Variants in MYOM3 observed in about 807,000 individuals in gnomAD.
MYOM3 encodes the protein myomesin-3.
A neutral mutation model predicts 191.7 loss-of-function variants in MYOM3; 155 were observed. The observed-to-expected ratio is 0.81, with a 90% CI of 0.71 to 0.92. MYOM3 has a LOEUF of 0.92. Ranked by LOEUF, MYOM3 falls within the 40% of genes least tolerant of loss-of-function variation. MYOM3 has a pLI of 0.00. For missense variants in MYOM3, 1,889 were observed against 1,890.6 expected, an observed-to-expected ratio of 1.00 and a Z score of 0.02; for synonymous variants, 757 against 762.9, an observed-to-expected ratio of 0.99 and a Z score of 0.13.
In MYOM3 at chr1:24,061,043, A is replaced by G; in HGVS notation, c.3994+17T>C. On this transcript the variant is annotated intron_variant, in intron 35 of 36. Transcript: ENST00000374434. ...CAAATTCAGAAACAAAAACAACAGA[A>G]ATATCGGCCGACTTACTCTTCTCGA... The G allele has an allele frequency of 6.2e-7, 1 of 1,614,022 alleles. No homozygotes were observed. The highest frequency in any genetic ancestry group is 8.5e-7 in the Non-Finnish European group (1 of 1,179,986).
chr1:24,057,309 G>A lies in MYOM3; in HGVS notation c.*55C>T. 1 of 1,561,852 alleles carries A rather than the reference G, an allele frequency of 6.4e-7. No homozygotes were observed. The highest frequency in any genetic ancestry group is 1.2e-5 in the South Asian group (1 of 84,060). On this transcript the variant is annotated 3_prime_UTR_variant, in exon 37 of 37. Coordinates refer to ENST00000374434, the MANE Select transcript of MYOM3 (RefSeq NM_152372.4). ...GTGCCAGGCTGTGACCCTGGTACAGGTTGTCCCTACTGGTCCATGTAGACT... is the reference window on the plus strand; with the variant it reads ...GTGCCAGGCTGTGACCCTGGTACAGATTGTCCCTACTGGTCCATGTAGACT...
chr1:24,084,521 C>A lies in MYOM3; in HGVS notation c.1917G>T (p.Lys639Asn). The A allele has an allele frequency of 2.5e-6, 4 of 1,614,192 alleles. No individual in the cohort carries two copies. The highest frequency in any genetic ancestry group is 3.4e-6 in the Non-Finnish European group (4 of 1,180,036). Residue 639 changes from lysine to asparagine, a missense_variant, in exon 16 of 37, where the codon AAG becomes AAT. Transcript: ENST00000374434. ...CTGTTTGCCACTCAGATGTCCCCACCTTCCGGGAGTAGATGTAATAACCCA... is the reference window on the plus strand; with the variant it reads ...CTGTTTGCCACTCAGATGTCCCCACATTCCGGGAGTAGATGTAATAACCCA... ...ELLGYYIYSR[K>N]VGTSEWQTVN... is the part of the protein sequence containing the mutation.
intron 26 of MYOM3, 65 bp from the exon 27 acceptor site, chr1:24,068,094 G>A (rs1643475745): frequency 1.3e-6 from 2 of 1,593,782 alleles, no homozygotes; most frequent in Admixed American, 3.3e-5. Flanking sequence ...AGGGGACATG[G>A]GGTGGACAGA....
chr1:24,097,795 A>G (rs976601001), intron 7 of MYOM3, 128 bp downstream of exon 7: 57 of 736,600 alleles, frequency 7.7e-5, no homozygotes, highest in Non-Finnish European at 1.1e-4. Context: ...TGCCCTGGTC[A>G]CCCAATGCCA....
chr1:24,101,891 G>A (rs1385121521), intron 5 of MYOM3, among the ~76,000 whole-genome samples: 3 of 152,210 alleles, frequency 2.0e-5, no homozygotes, highest in African/African-American at 4.8e-5. Context: ...CAGTGGGGTG[G>A]CCTGGGGTCC....
chr1:24,074,082 T>G, intron 23 of MYOM3, 78 bp downstream of exon 23: 1 of 1,202,848 alleles, frequency 8.3e-7, no homozygotes, highest in South Asian at 1.4e-5. Context: ...TTTGGTTGCT[T>G]TTTGCTGACC....
rs573595876 is a variant in MYOM3, at chr1:24,075,353, G to T, written c.2824C>A (p.Pro942Thr). The change falls in exon 22 of 37, where the codon CCC (proline) becomes ACC (threonine). Residue 942 changes from proline (P) to threonine (T), a missense_variant. By Grantham distance (38) the Pro-to-Thr change is conservative (BLOSUM62 -1). Coordinates refer to ENST00000374434, the MANE Select transcript of MYOM3 (RefSeq NM_152372.4). ...TTATCCTCGATCTTGACCCTCTGGGGGTCCAGTGGGCCCTTGTAGTCTTTG... is the reference window on the plus strand; with the variant it reads ...TTATCCTCGATCTTGACCCTCTGGGTGTCCAGTGGGCCCTTGTAGTCTTTG... ...WSKDYKGPLD[P>T]QRVKIEDKVN... 2.6e-5 allele frequency: 42 copies of T among 1,612,772 alleles called. No homozygotes were observed. The South Asian group carries it at 4.5e-4, about 17-fold the overall frequency.
chr1:24,094,469 C>T (rs1643868083), intron 9 of MYOM3, among the ~76,000 whole-genome samples: 1 of 152,098 alleles, frequency 6.6e-6, no homozygotes, highest in South Asian at 2.1e-4. Flanking sequence ...GCCTGGCCTC[C>T]CTCCCTCACT....
At position 24,076,075 on chromosome 1, in the gene MYOM3, G is replaced by C. The variant is rs1643595181; in HGVS notation, c.2701+84C>G. ...GTGTGAGGGCCTAGCACAGCATCAG[G>C]CTTCTCCCAACTTCCCTTGAACTCC... is the stretch of plus-strand genomic sequence containing the variant. On this transcript the variant is annotated intron_variant, in intron 21 of 36. Coordinates refer to ENST00000374434, the MANE Select transcript of MYOM3 (RefSeq NM_152372.4). 9 of 1,078,904 alleles carry C rather than the reference G, an allele frequency of 8.3e-6. No individual in the cohort carries two copies. In the Admixed American group the frequency reaches 1.4e-4, roughly 17 times the overall value. 66.8% of individuals were successfully genotyped at this position (1,078,904 alleles called of 1,614,324 possible).
intron 20 of MYOM3, among the ~76,000 whole-genome samples, chr1:24,077,065 A>AC (rs66521253): frequency 2.7e-4 from 41 of 151,606 alleles, no homozygotes; most frequent in East Asian, 9.8e-4. Context: ...CAGGTGATCC[A>AC]CCCCCCCTTG....
chr1:24,086,692 T>C lies in MYOM3; in HGVS notation c.1750A>G (p.Ser584Gly). The C allele has an allele frequency of 6.2e-7, 1 of 1,614,092 alleles. No homozygotes were observed. The highest frequency in any genetic ancestry group is 1.1e-5 in the South Asian group (1 of 91,080). ...GGTTCGCTGGGCTCCGAGGGATCGCTCAGGCCATACTGGTTCATTGCTCGC... is the reference window on the plus strand; with the variant it reads ...GGTTCGCTGGGCTCCGAGGGATCGCCCAGGCCATACTGGTTCATTGCTCGC... Reference protein sequence around the residue: ...RVRAMNQYGLSDPSEPSEPIA... With the variant: ...RVRAMNQYGLGDPSEPSEPIA... Residue 584 changes from serine (S) to glycine (G), a missense_variant, in exon 15 of 37, where the codon AGC becomes GGC. By Grantham distance (56) the Ser-to-Gly change is moderately conservative. Transcript: ENST00000374434.
At position 24,087,767 on chromosome 1, in the gene MYOM3, A is replaced by G. The variant is rs147918972; in HGVS notation, c.1615-940T>C. On this transcript the variant is annotated intron_variant, in intron 14 of 36. Transcript: ENST00000374434. This position sits in a 1 kb window ranked among gnomAD's most constrained non-coding sequence, Gnocchi z 4.5. ...CCTACCACTCACTACTGTGCTTAAT[A>G]TTCTACTGATTTACTCCATTTATCA... 1.3e-5 allele frequency among the ~76,000 whole-genome samples: 2 copies of G among 152,142 alleles called. No individual in the cohort carries two copies. Among genetic ancestry groups the G allele is most frequent in the African/African-American group, 4.8e-5 (2 of 41,492 alleles).
intron 8 of MYOM3, 116 bp from the exon 9 acceptor site, chr1:24,095,106 A>G: frequency 8.7e-7 from 1 of 1,143,636 alleles, no homozygotes; most frequent in Non-Finnish European, 1.2e-6. Context: ...GACTAGGAGA[A>G]GGGGACCTGG....
chr1:24,057,444 T>C lies in MYOM3; in HGVS notation c.4234A>G (p.Lys1412Glu). The C allele has an allele frequency of 6.2e-7, 1 of 1,614,232 alleles. No individual in the cohort carries two copies. Among genetic ancestry groups the C allele is most frequent in the Non-Finnish European group, 8.5e-7 (1 of 1,180,046 alleles). Reference sequence around the variant, plus strand: ...ACCTGGCCCGTCTCGGAGCCATACTTGTTCTTGACGAAGACGCCGTAGCGG... The same window carrying C: ...ACCTGGCCCGTCTCGGAGCCATACTCGTTCTTGACGAAGACGCCGTAGCGG... ...SGRYGVFVKN[K>E]YGSETGQVTI... The change falls in exon 37 of 37, where the codon AAG becomes GAG. Residue 1412 changes from lysine (K) to glutamate (E), a missense_variant. By Grantham distance (56) the Lys-to-Glu change is moderately conservative. Coordinates refer to ENST00000374434, the MANE Select transcript of MYOM3 (RefSeq NM_152372.4).
chr1:24,064,223 A>C, intron 29 of MYOM3, 64 bp from the exon 30 acceptor site: 5 of 1,356,446 alleles, frequency 3.7e-6, no homozygotes, highest in Non-Finnish European at 5.2e-6. Context: ...TGGATACCAA[A>C]TCCGGAGGCC....
Position 24,066,401 on chromosome 1 carries a change from A to T in MYOM3, c.3424-400T>A, listed in dbSNP as rs183240343. ...ACCACTTCATCATCTTTGTACGTTC[A>T]GTACCGTGCAGAGTGGCACAAAATA... On this transcript the variant is annotated intron_variant, in intron 28 of 36. Coordinates refer to ENST00000374434, the MANE Select transcript of MYOM3 (RefSeq NM_152372.4). 1.2e-3 allele frequency: 726 copies of T among 607,852 alleles called. 1 individual carries two copies. Among genetic ancestry groups the T allele is most frequent in the Non-Finnish European group, 1.6e-3 (558 of 342,650 alleles). 37.7% of individuals were successfully genotyped at this position (607,852 alleles called of 1,614,324 possible).
intron 5 of MYOM3, among the ~76,000 whole-genome samples, chr1:24,102,487 G>A (rs111494655): frequency 5.3e-5 from 8 of 152,236 alleles, no homozygotes; most frequent in African/African-American, 1.4e-4. Flanking sequence ...CTTAGTGTCC[G>A]CCTGTGCAGT....
chr1:24,109,492 AT>A (rs1354475245), intron 1 of MYOM3, among the ~76,000 whole-genome samples: 19 of 152,136 alleles, frequency 1.2e-4, no homozygotes, highest in Non-Finnish European at 8.8e-5. Flanking sequence ...TTTTGTACTT[AT>A]TTTCTAGCAC....
rs1570844841 is a variant in MYOM3, at chr1:24,057,087, A to G, written c.*277T>C. ...GCAGCGTACCTGACCTCTACCTATC[A>G]GATGCCAGTACTGTTAGATAGCCCC... is the stretch of plus-strand genomic sequence containing the variant. On this transcript the variant is annotated 3_prime_UTR_variant, in exon 37 of 37. Transcript: ENST00000374434. The G allele has an allele frequency of 2.1e-6, 1 of 479,226 alleles. No individual in the cohort carries two copies. The highest frequency in any genetic ancestry group is 3.6e-5 in the Admixed American group (1 of 27,618). The allele number at this position is 479,226 out of a possible 1,614,324, so 29.7% of individuals were successfully genotyped here.
Sources: gnomAD v4.1 joint callset for allele counts (sites outside exome capture counted in the v4.1 genomes callset) on GRCh38, gnomAD v4.1.1 for gene constraint, Gnocchi (gnomAD v3.1) non-coding constraint, MANE v1.5 for transcripts, NCBI Gene and HGNC (gene_info 2026-07-23, HGNC 2026-07-21) for gene names.